The following ROBO2 variants were observed in gnomAD, a reference collection of about 807,000 sequenced individuals.
The protein encoded by ROBO2 is roundabout homolog 2.
In ROBO2, 53 loss-of-function variants were observed where a neutral mutation model predicts 160.8. The observed-to-expected ratio is 0.33, with a 90% CI of 0.26 to 0.41. The LOEUF (loss-of-function observed/expected upper bound fraction) is 0.41, where lower values mean the gene tolerates loss of function less well. Among genes scored for constraint, ROBO2 ranks in the 10% least tolerant of loss-of-function variants. ROBO2 has a pLI of 1.00. For synonymous variants in ROBO2, 664 were observed against 611.7 expected, an observed-to-expected ratio of 1.09 and a Z score of -1.26; for missense variants, 1,577 against 1,722.4, an observed-to-expected ratio of 0.92 and a Z score of 1.49.
chr3:76,119,883 T>C (rs943497917), intron 2 of ROBO2, among the ~76,000 whole-genome samples: 38 of 130,958 alleles, frequency 2.9e-4, no homozygotes, highest in African/African-American at 9.7e-4. Flanking sequence ...CTTCCCTTCC[T>C]TCCCTTCCCT....
intron 19 of ROBO2, among the ~76,000 whole-genome samples, chr3:77,597,652 A>G (rs2094337807): frequency 6.6e-6 from 1 of 152,186 alleles, no homozygotes; most frequent in South Asian, 2.1e-4. Context: ...AGAAAGCTCT[A>G]TGAACAGAAT....
intron 2 of ROBO2, among the ~76,000 whole-genome samples, chr3:76,397,081 C>A (rs557284018): frequency 1.8e-4 from 28 of 152,016 alleles, no homozygotes; most frequent in African/African-American, 5.5e-4. Context: ...CTATACTACA[C>A]GGCTACAGTA....
At chr3:77,027,468 G>A (rs2063039947) in intron 2 of ROBO2, among the ~76,000 whole-genome samples, 2 of 152,150 alleles carry the variant, frequency 1.3e-5, no homozygotes, top group African/African-American at 4.8e-5. Context: ...ACATTCCAGA[G>A]AGCATATATA....
chr3:77,123,752 T>C lies in ROBO2; in HGVS notation c.388+25412T>C, dbSNP rs995753887. On this transcript the variant is annotated intron_variant, in intron 2 of 25. Coordinates refer to ENST00000461745, the Ensembl canonical transcript of ROBO2. Reference sequence around the variant, plus strand: ...TATATGTATCTAGATATATAATCTATATAGATACATATCTATATAGATGCA... The same window carrying C: ...TATATGTATCTAGATATATAATCTACATAGATACATATCTATATAGATGCA... 3.6e-5 allele frequency among the ~76,000 whole-genome samples: 5 copies of C among 140,062 alleles called. No homozygotes were observed. The East Asian group carries it at 8.2e-4, about 23-fold the overall frequency. 91.9% of individuals were successfully genotyped at this position (140,062 alleles called of 152,430 possible). A position where few individuals can be genotyped will look rare whatever the true frequency, so the allele number is the denominator to read the frequency against.
chr3:76,446,677 T>C (rs756815712), intron 2 of ROBO2, among the ~76,000 whole-genome samples: 1 of 152,164 alleles, frequency 6.6e-6, no homozygotes, highest in Non-Finnish European at 1.5e-5. Context: ...AGCATGGTAC[T>C]GGTACCAAAA....
At chr3:76,167,667 T>C (rs1216959515) in intron 2 of ROBO2, among the ~76,000 whole-genome samples, 4 of 152,210 alleles carry the variant, frequency 2.6e-5, no homozygotes, top group Non-Finnish European at 5.9e-5. Flanking sequence ...TCCTTCACTT[T>C]ACAGCATTCT....
At chr3:77,565,674 A>C (rs1366149294) in intron 12 of ROBO2, among the ~76,000 whole-genome samples, 2 of 152,112 alleles carry the variant, frequency 1.3e-5, no homozygotes, top group Non-Finnish European at 2.9e-5. Context: ...CTGATGTATA[A>C]GTTTTACAAC....
chr3:76,058,793 TC>T (rs1576672885), intron 2 of ROBO2, among the ~76,000 whole-genome samples: 1 of 76,174 alleles, frequency 1.3e-5, no homozygotes, highest in Non-Finnish European at 2.4e-5. Flanking sequence ...ATGCTATCCC[TC>T]CCCCCTCCCC....
chr3:76,056,768 C>G (rs2067861875), intron 2 of ROBO2, among the ~76,000 whole-genome samples: 1 of 152,080 alleles, frequency 6.6e-6, no homozygotes, highest in Admixed American at 6.5e-5. Context: ...TATGAATTCA[C>G]AAGTGGTGAT....
At chr3:75,960,041 GAGATGCGAGC>G (rs1324439778) in intron 2 of ROBO2, among the ~76,000 whole-genome samples, 2 of 151,764 alleles carry the variant, frequency 1.3e-5, no homozygotes, top group Non-Finnish European at 2.9e-5. Context: ...GCTGAGTGAG[GAGATGCGAGC>G]ACCCTCAAAT....
chr3:76,836,761 C>T (rs2067730818), intron 2 of ROBO2, among the ~76,000 whole-genome samples: 1 of 151,372 alleles, frequency 6.6e-6, no homozygotes, highest in Non-Finnish European at 1.5e-5. Context: ...TTTTGTAAGT[C>T]CTCAATTATT....
chr3:76,794,098 C>T (rs933591060), intron 2 of ROBO2, among the ~76,000 whole-genome samples: 5 of 151,422 alleles, frequency 3.3e-5, no homozygotes, highest in Non-Finnish European at 5.9e-5. Context: ...GCTTAAACAG[C>T]GAAAAGTTTC....
intron 6 of ROBO2, among the ~76,000 whole-genome samples, chr3:77,531,124 C>A (rs982888123): frequency 6.6e-6 from 1 of 151,946 alleles, no homozygotes; most frequent in African/African-American, 2.4e-5. Flanking sequence ...ATGCTAGATG[C>A]TGATTGCCTG....
chr3:76,381,217 A>T (rs577750103), intron 2 of ROBO2, among the ~76,000 whole-genome samples: 1 of 152,274 alleles, frequency 6.6e-6, no homozygotes, highest in Non-Finnish European at 1.5e-5. Context: ...GAGTGAAATT[A>T]TTGTTCATGA....
At chr3:77,184,989 A>C (rs986787070) in intron 2 of ROBO2, among the ~76,000 whole-genome samples, 12 of 152,072 alleles carry the variant, frequency 7.9e-5, no homozygotes, top group African/African-American at 2.7e-4. Context: ...TCAGCTTGAA[A>C]TAGCTAAGTA....
chr3:77,260,976 C>T (rs1387900190), intron 2 of ROBO2, among the ~76,000 whole-genome samples: 1 of 152,110 alleles, frequency 6.6e-6, no homozygotes, highest in Non-Finnish European at 1.5e-5. Context: ...CTCCTGGTAG[C>T]TGGGCTTCCT....
chr3:77,217,395 G>A (rs1451179364), intron 2 of ROBO2, among the ~76,000 whole-genome samples: 3 of 151,980 alleles, frequency 2.0e-5, no homozygotes, highest in East Asian at 3.9e-4. Flanking sequence ...TACCTGCCTC[G>A]GCCTCCCAAA....
At chr3:77,552,473 T>A (rs2092954628) in intron 8 of ROBO2, among the ~76,000 whole-genome samples, 1 of 152,048 alleles carries the variant, frequency 6.6e-6, no homozygotes, top group Non-Finnish European at 1.5e-5. Context: ...GAATTACGTC[T>A]GATACAATTA....
intron 2 of ROBO2, among the ~76,000 whole-genome samples, chr3:77,102,526 A>G (rs1197347327): frequency 6.6e-6 from 1 of 152,180 alleles, no homozygotes; most frequent in African/African-American, 2.4e-5. Context: ...ACATGTCACA[A>G]CTTTTATCAT....
Sources: allele counts gnomAD v4.1 joint callset (sites outside exome capture counted in the v4.1 genomes callset), GRCh38; gene constraint gnomAD v4.1.1; transcripts MANE v1.5; gene names NCBI Gene and HGNC (gene_info 2026-07-23, HGNC 2026-07-21).